Variants in TAS2R1 observed in about 807,000 individuals in gnomAD.
TAS2R1 encodes the protein taste receptor type 2 member 1.
For synonymous variants in TAS2R1, 141 were observed against 134.2 expected, an observed-to-expected ratio of 1.05 and a Z score of -0.35; for missense variants, 370 against 353.4, an observed-to-expected ratio of 1.05 and a Z score of -0.38.
the TAS2R1 span, among the ~76,000 whole-genome samples, chr5:9,855,653 A>T: frequency 2.0e-5 from 3 of 152,368 alleles, no homozygotes; most frequent in African/African-American, 7.2e-5. Context: ...GATGCCTCCA[A>T]GTTTTTATCT....
At chr5:9,693,418 G>C (rs1304554780) in intron 1 of TAS2R1, among the ~76,000 whole-genome samples, 2 of 151,202 alleles carry the variant, frequency 1.3e-5, no homozygotes, top group African/African-American at 4.9e-5. Context: ...CAGCTACTCG[G>C]GAAGCTGAGG....
the TAS2R1 span, among the ~76,000 whole-genome samples, chr5:9,872,270 C>T: frequency 3.3e-5 from 5 of 152,166 alleles, no homozygotes; most frequent in African/African-American, 9.7e-5. Flanking sequence ...GCAATTCACA[C>T]CCAGCTATTT....
At chr5:9,726,277 C>G in the TAS2R1 span, among the ~76,000 whole-genome samples, 4 of 152,186 alleles carry the variant, frequency 2.6e-5, no homozygotes, top group Admixed American at 6.5e-5. Flanking sequence ...CACTCTGTAT[C>G]TAGCTAATCT....
At chr5:9,792,659 G>A in the TAS2R1 span, among the ~76,000 whole-genome samples, 1 of 152,126 alleles carries the variant, frequency 6.6e-6, no homozygotes, top group Non-Finnish European at 1.5e-5. Context: ...GTTCCCAAAT[G>A]ACTACTCCTG....
At chr5:9,700,441 A>G (rs966347008) in intron 1 of TAS2R1, among the ~76,000 whole-genome samples, 1 of 152,170 alleles carries the variant, frequency 6.6e-6, no homozygotes. Context: ...GGTGCCCTTC[A>G]CTATCCTTGC....
chr5:9,676,611 T>C (rs1302620275), intron 1 of TAS2R1, among the ~76,000 whole-genome samples: 1 of 152,040 alleles, frequency 6.6e-6, no homozygotes, highest in East Asian at 1.9e-4. Context: ...TCATGCAAAA[T>C]AGATTATAAA....
At chr5:9,811,400 A>T in the TAS2R1 span, among the ~76,000 whole-genome samples, 1 of 152,216 alleles carries the variant, frequency 6.6e-6, no homozygotes. Flanking sequence ...CATACCCATA[A>T]GCCTAAAGAG....
chr5:9,862,443 C>T, the TAS2R1 span, among the ~76,000 whole-genome samples: 2 of 152,100 alleles, frequency 1.3e-5, no homozygotes, highest in South Asian at 2.1e-4. Flanking sequence ...CAACTCTGAC[C>T]TTCTGTGCAT....
the TAS2R1 span, among the ~76,000 whole-genome samples, chr5:9,831,086 A>G: frequency 6.6e-6 from 1 of 152,192 alleles, no homozygotes; most frequent in Non-Finnish European, 1.5e-5. Context: ...AGACATTTAC[A>G]AAAAGAAGAA....
At chr5:9,802,888 G>A in the TAS2R1 span, among the ~76,000 whole-genome samples, 1 of 152,164 alleles carries the variant, frequency 6.6e-6, no homozygotes, top group Non-Finnish European at 1.5e-5. Context: ...GGGCAACACA[G>A]CGAGACTCCG....
At chr5:9,769,340 G>A in the TAS2R1 span, among the ~76,000 whole-genome samples, 1 of 152,124 alleles carries the variant, frequency 6.6e-6, no homozygotes, top group Non-Finnish European at 1.5e-5. Flanking sequence ...CAGGTTGCTT[G>A]CAAATCTTGG....
intron 1 of TAS2R1, among the ~76,000 whole-genome samples, chr5:9,687,521 T>G (rs1447022942): frequency 6.6e-6 from 1 of 152,064 alleles, no homozygotes; most frequent in African/African-American, 2.4e-5. Context: ...ACCCCCACTG[T>G]CTCTCCCAAA....
At chr5:9,831,463 A>G in the TAS2R1 span, among the ~76,000 whole-genome samples, 7 of 152,202 alleles carry the variant, frequency 4.6e-5, no homozygotes, top group Non-Finnish European at 7.3e-5. Context: ...ATACAGAAAT[A>G]TATATATGCA....
the TAS2R1 span, among the ~76,000 whole-genome samples, chr5:9,838,477 C>G: frequency 1.3e-5 from 2 of 152,174 alleles, no homozygotes; most frequent in African/African-American, 4.8e-5. Flanking sequence ...TTTTTTCATC[C>G]CTGATATGCG....
chr5:9,863,341 G>C, the TAS2R1 span, among the ~76,000 whole-genome samples: 6 of 149,738 alleles, frequency 4.0e-5, no homozygotes, highest in Non-Finnish European at 8.9e-5. Flanking sequence ...GATGATCTCG[G>C]CTCACTGCAA....
the TAS2R1 span, among the ~76,000 whole-genome samples, chr5:9,866,271 T>C: frequency 1.3e-4 from 20 of 152,358 alleles, no homozygotes; most frequent in Admixed American, 5.9e-4. Context: ...GCTGAAATCC[T>C]TCATCTTGTA....
the TAS2R1 span, among the ~76,000 whole-genome samples, chr5:9,800,820 A>G: frequency 0.06 from 9,117 of 152,266 alleles, 287 homozygotes; most frequent in East Asian, 0.11. Flanking sequence ...ATGGAATTAG[A>G]AGATGGGGTC....
At chr5:9,748,296 A>C in the TAS2R1 span, among the ~76,000 whole-genome samples, 2 of 152,140 alleles carry the variant, frequency 1.3e-5, no homozygotes, top group Non-Finnish European at 2.9e-5. Flanking sequence ...GCAGTGGCAC[A>C]ATCGCGGCTC....
chr5:9,627,507 A>G lies in TAS2R1; in HGVS notation c.*1626T>C, dbSNP rs915939560. Among the ~76,000 whole-genome samples, 1 of 152,214 alleles carries G rather than the reference A, an allele frequency of 6.6e-6. No individual in the cohort carries two copies. Among genetic ancestry groups the G allele is most frequent in the Admixed American group, 6.5e-5 (1 of 15,284 alleles). On this transcript the variant is annotated 3_prime_UTR_variant, in exon 1 of 1. Coordinates refer to ENST00000382492, the MANE Select transcript of TAS2R1 (RefSeq NM_019599.3). ...AATTTAGTATCAGAAAAAAAAACAC[A>G]TGAGAGTTGTATCATGACAAATTTC...
Sources: allele counts gnomAD v4.1 joint callset (sites outside exome capture counted in the v4.1 genomes callset), GRCh38; gene constraint gnomAD v4.1.1; transcripts MANE v1.5; gene names NCBI Gene and HGNC (gene_info 2026-07-23, HGNC 2026-07-21).